The following DHRS13 variants were observed in gnomAD, a reference collection of about 807,000 sequenced individuals.
DHRS13 encodes the protein dehydrogenase/reductase 13.
DHRS13 carries 22 observed loss-of-function variants against 17.9 expected under a neutral mutation model. That is an observed-to-expected ratio of 1.23 (90% CI 0.88 to 1.75). The LOEUF is 1.75. DHRS13 is among the 40% of genes most tolerant of loss of function. The pLI is 0.00. For missense variants in DHRS13, 483 were observed against 519.9 expected (o/e 0.93, Z 0.69); for synonymous variants, 206 against 220.4 (o/e 0.93, Z 0.58).
chr17:28,901,004 T>C lies in DHRS13; in HGVS notation c.668A>G (p.Tyr223Cys), dbSNP rs1234644669. The C allele has an allele frequency of 1.9e-6, 3 of 1,599,512 alleles. No homozygotes were observed. The highest frequency in any genetic ancestry group is 1.3e-5 in the African/African-American group (1 of 74,836). ...NQLEATGVTC[Y>C]AAHPGPVNSE... ...CCAGACCTCACCTGGGTGGGCTGCA[T>C]AGCAGGTGACGCCAGTGGCCTCAAG... Residue 223 changes from tyrosine to cysteine, a missense_variant, in exon 4 of 5, where the codon TAT (tyrosine) becomes TGT (cysteine). Transcript: ENST00000378895. The surrounding 1 kb of genome is among the most constrained non-coding windows in gnomAD (Gnocchi z 4.3).
chr17:28,900,473 C>T (rs940050929), intron 4 of DHRS13, among the ~76,000 whole-genome samples: 2 of 152,310 alleles, frequency 1.3e-5, no homozygotes, highest in African/African-American at 4.8e-5. Flanking sequence ...CCATTTGCCC[C>T]TTGCTGTTTC....
rs2039790383 is a variant in DHRS13 at position 28,899,541 on chromosome 17, C to T, written c.683-649G>A. 6.6e-6 allele frequency: 1 copy of T among 152,290 alleles called. No homozygotes were observed. Among genetic ancestry groups the T allele is most frequent in the African/African-American group, 2.4e-5 (1 of 41,444 alleles). The allele number at this position is 152,290 out of a possible 1,614,324, so 9.4% of individuals were successfully genotyped here. On this transcript the variant is annotated intron_variant, in intron 4 of 4. Coordinates refer to ENST00000378895, the MANE Select transcript of DHRS13 (RefSeq NM_144683.4). The surrounding 1 kb of genome is among the most constrained non-coding windows in gnomAD (Gnocchi z 4.7). ...TGTTGCTCTGGATCCCCAATTATCT[C>T]ACTCAGAGTAAAAGCCAGAATGCCT... is the stretch of plus-strand genomic sequence containing the variant.
Position 28,902,765 on chromosome 17 carries a change from G to T in DHRS13, c.127+53C>A. The T allele has an allele frequency of 7.0e-7, 1 of 1,429,658 alleles. No individual in the cohort carries two copies. Among genetic ancestry groups the T allele is most frequent in the Non-Finnish European group, 9.1e-7 (1 of 1,098,276 alleles). The allele number at this position is 1,429,658 out of a possible 1,614,324, so 88.6% of individuals were successfully genotyped here. ...GGCGGGCCGCTGCTACCGCCGGCCC[G>T]GCCTCCTCTCCGCGCGCCCCGCCAG... On this transcript the variant is annotated intron_variant, in intron 1 of 4. Coordinates refer to ENST00000378895, the MANE Select transcript of DHRS13 (RefSeq NM_144683.4). This position sits in a 1 kb window ranked among gnomAD's most constrained non-coding sequence, Gnocchi z 4.0.
At position 28,898,539 on chromosome 17, in the gene DHRS13, CTG is replaced by C. The variant is rs766607499; in HGVS notation, c.1034_1035del (p.Thr345SerfsTer16). 4 of 1,611,694 alleles carry C rather than the reference CTG, an allele frequency of 2.5e-6. No homozygotes were observed. In the South Asian group the frequency reaches 3.3e-5, roughly 13 times the overall value. On this transcript the variant is annotated frameshift_variant, in exon 5 of 5. Transcript: ENST00000378895. LOFTEE classifies it low-confidence loss of function (END_TRUNC). ...SLSTPHPEEP[T>X]VSQPYPSPQS... ...TGAGGGCTGGGGTAAGGTTGAGAAA[CTG>C]TGGGCTCCTCAGGGTGGGGGGTGCT...
Position 28,901,493 on chromosome 17 carries a change from C to G in DHRS13, c.370G>C (p.Gly124Arg), listed in dbSNP as rs200355771. ...CCACGCAGGGCCTGCTGCCCCTCAC[C>G]GGCATTGTGGATGAGGATGTCCAAC... Reference protein sequence around the residue: ...PRLDILIHNAGISSCGRTREA... With the variant: ...PRLDILIHNARISSCGRTREA... Residue 124 changes from glycine to arginine, a missense_variant and splice_region_variant, in exon 3 of 5, where the codon GGT becomes CGT. Coordinates refer to ENST00000378895, the MANE Select transcript of DHRS13 (RefSeq NM_144683.4). The surrounding 1 kb of genome is among the most constrained non-coding windows in gnomAD (Gnocchi z 4.3). The G allele has an allele frequency of 1.9e-6, 3 of 1,613,812 alleles. No individual in the cohort carries two copies. The highest frequency in any genetic ancestry group is 1.7e-5 in the Admixed American group (1 of 60,014).
chr17:28,898,612 G>A lies in DHRS13; in HGVS notation c.963C>T (p.Pro321=), dbSNP rs373955077. 23 of 1,613,366 alleles carry A rather than the reference G, an allele frequency of 1.4e-5. No homozygotes were observed. The highest frequency in any genetic ancestry group is 1.9e-5 in the Non-Finnish European group (22 of 1,179,800). ...AGLGPGEDAE[P]DEDPQSEDSE... ...AGTCCTCAGACTGGGGGTCTTCATCGGGTTCAGCATCCTCCCCAGGCCCAA... is the reference window on the plus strand; with the variant it reads ...AGTCCTCAGACTGGGGGTCTTCATCAGGTTCAGCATCCTCCCCAGGCCCAA... Residue 321 remains proline, a synonymous_variant, in exon 5 of 5, where the codon CCC becomes CCT. Transcript: ENST00000378895.
In DHRS13 at chr17:28,898,392, A is replaced by G. The variant is rs748042398; in HGVS notation, c.*49T>C. Reference sequence around the variant, plus strand: ...CAGGGCATGGCCTCGCACACATCCGAGGTTTTCAAGGACCATGAAGTGCCA... The same window carrying G: ...CAGGGCATGGCCTCGCACACATCCGGGGTTTTCAAGGACCATGAAGTGCCA... On this transcript the variant is annotated 3_prime_UTR_variant, in exon 5 of 5. Coordinates refer to ENST00000378895, the MANE Select transcript of DHRS13 (RefSeq NM_144683.4). 14 of 1,531,814 alleles carry G rather than the reference A, an allele frequency of 9.1e-6. No homozygotes were observed. In the South Asian group the frequency reaches 1.7e-4, roughly 19 times the overall value. The allele number at this position is 1,531,814 out of a possible 1,614,324, so 94.9% of individuals were successfully genotyped here. A position where few individuals can be genotyped will look rare whatever the true frequency, so the allele number is the denominator to read the frequency against.
Position 28,898,682 on chromosome 17 carries a change from C to T in DHRS13, c.893G>A (p.Arg298Gln), listed in dbSNP as rs775606900. Residue 298 changes from arginine to glutamine, a missense_variant, in exon 5 of 5, where the codon CGG (arginine) becomes CAG (glutamine). Transcript: ENST00000378895. Reference sequence around the variant, plus strand: ...GGCCTCCCATAGCCGATGGGCTGCCCGGTCGTCTCGGGCAGCTGGAGGCAC... The same window carrying T: ...GGCCTCCCATAGCCGATGGGCTGCCTGGTCGTCTCGGGCAGCTGGAGGCAC... Reference protein sequence around the residue: ...EEVPPAARDDRAAHRLWEASK... With the variant: ...EEVPPAARDDQAAHRLWEASK... The T allele has an allele frequency of 1.5e-5, 25 of 1,613,496 alleles. No homozygotes were observed. The highest frequency in any genetic ancestry group is 1.6e-4 in the Middle Eastern group (1 of 6,062).
chr17:28,901,797 T>C lies in DHRS13; in HGVS notation c.247-181A>G. On this transcript the variant is annotated intron_variant, in intron 2 of 4. Coordinates refer to ENST00000378895, the MANE Select transcript of DHRS13 (RefSeq NM_144683.4). This position sits in a 1 kb window ranked among gnomAD's most constrained non-coding sequence, Gnocchi z 4.3. ...CTTTGCCTTTTACTAAAGTGTGACC[T>C]TGGGCAAGATACTTAATCTCTCTGG... 1.1e-6 allele frequency: 1 copy of C among 950,184 alleles called. No homozygotes were observed. The highest frequency in any genetic ancestry group is 1.8e-5 in the South Asian group (1 of 56,232). The allele number at this position is 950,184 out of a possible 1,614,324, so 58.9% of individuals were successfully genotyped here.
Position 28,898,236 on chromosome 17 carries a change from T to A in DHRS13, c.*205A>T, listed in dbSNP as rs1283328824. On this transcript the variant is annotated 3_prime_UTR_variant, in exon 5 of 5. Coordinates refer to ENST00000378895, the MANE Select transcript of DHRS13 (RefSeq NM_144683.4). ...TCTAGCATACCCCTATCTCTCCATCTGGGGTTACTGTCACTCTCAGGAAGA... is the reference window on the plus strand; with the variant it reads ...TCTAGCATACCCCTATCTCTCCATCAGGGGTTACTGTCACTCTCAGGAAGA... 1.7e-6 allele frequency: 1 copy of A among 595,024 alleles called. No individual in the cohort carries two copies. Among genetic ancestry groups the A allele is most frequent in the Non-Finnish European group, 2.9e-6 (1 of 346,540 alleles). The allele number at this position is 595,024 out of a possible 1,614,324, so 36.9% of individuals were successfully genotyped here.
Position 28,898,845 on chromosome 17 carries a change from GCA to G in DHRS13, c.728_729del (p.Leu243ProfsTer77). ...CAAGCCAATGGGCGCAAAAGTGGGC[GCA>G]GCCATCCAGGAACATGGCGCAGGAA... ...ELFLRHVPGW[L>X]RPLLRPLAWL... On this transcript the variant is annotated frameshift_variant, in exon 5 of 5. Transcript: ENST00000378895. LOFTEE classifies it high-confidence loss of function. The G allele has an allele frequency of 6.2e-7, 1 of 1,604,708 alleles. No homozygotes were observed.
rs2039790583 is a variant in DHRS13 at position 28,899,562 on chromosome 17, T to G, written c.683-670A>C. 2.0e-5 allele frequency: 3 copies of G among 152,302 alleles called. No homozygotes were observed. The highest frequency in any genetic ancestry group is 2.4e-5 in the African/African-American group (1 of 41,438). The allele number at this position is 152,302 out of a possible 1,614,324, so 9.4% of individuals were successfully genotyped here. On this transcript the variant is annotated intron_variant, in intron 4 of 4. Transcript: ENST00000378895. This position sits in a 1 kb window ranked among gnomAD's most constrained non-coding sequence, Gnocchi z 4.7. ...ATCTCACTCAGAGTAAAAGCCAGAATGCCTATAGTGAACCTCCCTCCAAAC... is the reference window on the plus strand; with the variant it reads ...ATCTCACTCAGAGTAAAAGCCAGAAGGCCTATAGTGAACCTCCCTCCAAAC...
chr17:28,901,325 C>A lies in DHRS13; in HGVS notation c.371-24G>T. 1 of 1,588,568 alleles carries A rather than the reference C, an allele frequency of 6.3e-7. No individual in the cohort carries two copies. The highest frequency in any genetic ancestry group is 8.6e-7 in the Non-Finnish European group (1 of 1,165,654). Reference sequence around the variant, plus strand: ...ACCTGGGGCAGAGGCTAAATGTGAGCGGCTGCTCCAGAAGGAGCTCTGCAG... The same window carrying A: ...ACCTGGGGCAGAGGCTAAATGTGAGAGGCTGCTCCAGAAGGAGCTCTGCAG... On this transcript the variant is annotated intron_variant, in intron 3 of 4. Coordinates refer to ENST00000378895, the MANE Select transcript of DHRS13 (RefSeq NM_144683.4). This position sits in a 1 kb window ranked among gnomAD's most constrained non-coding sequence, Gnocchi z 4.3.
Position 28,901,435 on chromosome 17 carries a change from G to A in DHRS13, c.370+58C>T, listed in dbSNP as rs1449395701. On this transcript the variant is annotated intron_variant, in intron 3 of 4. Coordinates refer to ENST00000378895, the MANE Select transcript of DHRS13 (RefSeq NM_144683.4). This position sits in a 1 kb window ranked among gnomAD's most constrained non-coding sequence, Gnocchi z 4.3. Reference sequence around the variant, plus strand: ...CCCCAGCAGGGCCCCCGCTGGAGGGGGCAGTTGCCCCTGGCCACCCGCCAC... The same window carrying A: ...CCCCAGCAGGGCCCCCGCTGGAGGGAGCAGTTGCCCCTGGCCACCCGCCAC... 9 of 1,610,152 alleles carry A rather than the reference G, an allele frequency of 5.6e-6. No homozygotes were observed. In the South Asian group the frequency reaches 9.9e-5, roughly 18 times the overall value.
At position 28,898,809 on chromosome 17, in the gene DHRS13, G is replaced by A. The variant is rs773690240; in HGVS notation, c.766C>T (p.Arg256Trp). 32 of 1,609,846 alleles carry A rather than the reference G, an allele frequency of 2.0e-5. No individual in the cohort carries two copies. The highest frequency in any genetic ancestry group is 1.6e-4 in the African/African-American group (12 of 74,830). The change falls in exon 5 of 5, where the codon CGG becomes TGG. Residue 256 changes from arginine (R) to tryptophan (W), a missense_variant. Transcript: ENST00000378895. Reference protein sequence around the residue: ...LLRPLAWLVLRAPRGGAQTPL... With the variant: ...LLRPLAWLVLWAPRGGAQTPL... ...GTCTGGGCACCCCCTCTTGGTGCCC[G>A]GAGCACCAGCCAAGCCAATGGGCGC...
chr17:28,900,175 T>C (rs940101582), intron 4 of DHRS13, among the ~76,000 whole-genome samples: 1 of 152,116 alleles, frequency 6.6e-6, no homozygotes, highest in Non-Finnish European at 1.5e-5. Context: ...CCTCCCAAAA[T>C]GCTGGGATTA....
At position 28,898,267 on chromosome 17, in the gene DHRS13, T is replaced by G. The variant is rs867683598; in HGVS notation, c.*174A>C. The G allele has an allele frequency of 5.8e-5, 37 of 641,808 alleles. No homozygotes were observed. In the Middle Eastern group the frequency reaches 1.2e-3, roughly 21 times the overall value. 39.8% of individuals were successfully genotyped at this position (641,808 alleles called of 1,614,324 possible). ...TACTGTCACTCTCAGGAAGAAATAA[T>G]CACCCATTATTCCTTCAACCAGGAA... On this transcript the variant is annotated 3_prime_UTR_variant, in exon 5 of 5. Coordinates refer to ENST00000378895, the MANE Select transcript of DHRS13 (RefSeq NM_144683.4).
chr17:28,901,074 T>C lies in DHRS13; in HGVS notation c.598A>G (p.Thr200Ala), dbSNP rs373066614. ...GCAAACAGTACATTAGCCAGCTTAG[T>C]GTCAGCATATGCCCGCAGCTCCTGC... Reference protein sequence around the residue: ...WRQELRAYADTKLANVLFARE... With the variant: ...WRQELRAYADAKLANVLFARE... The change falls in exon 4 of 5, where the codon ACT becomes GCT. Residue 200 changes from threonine (T) to alanine (A), a missense_variant. Physicochemically the swap from Thr to Ala is moderately conservative, Grantham distance 58. Coordinates refer to ENST00000378895, the MANE Select transcript of DHRS13 (RefSeq NM_144683.4). The surrounding 1 kb of genome is among the most constrained non-coding windows in gnomAD (Gnocchi z 4.3). 10 of 1,614,052 alleles carry C rather than the reference T, an allele frequency of 6.2e-6. No homozygotes were observed. The African/African-American group carries it at 9.3e-5, about 15-fold the overall frequency.
At position 28,901,169 on chromosome 17, in the gene DHRS13, AC is replaced by A. The variant is rs1210327831; in HGVS notation, c.502del (p.Val168Ter). 6.2e-7 allele frequency: 1 copy of A among 1,614,072 alleles called. No individual in the cohort carries two copies. The highest frequency in any genetic ancestry group is 1.3e-5 in the African/African-American group (1 of 74,930). ...KACAPSRVVV[V>X]ASAAHCRGRL... ...TCCCCGACAGTGGGCAGCTGAGGCT[AC>A]CACCACCACGCGGCTAGGGGCACAT... On this transcript the variant is annotated frameshift_variant, in exon 4 of 5. Coordinates refer to ENST00000378895, the MANE Select transcript of DHRS13 (RefSeq NM_144683.4). LOFTEE classifies it high-confidence loss of function. The surrounding 1 kb of genome is among the most constrained non-coding windows in gnomAD (Gnocchi z 4.3).
Sources: allele counts gnomAD v4.1 joint callset (sites outside exome capture counted in the v4.1 genomes callset), GRCh38; gene constraint gnomAD v4.1.1; non-coding constraint Gnocchi (gnomAD v3.1); transcripts MANE v1.5; gene names NCBI Gene and HGNC (gene_info 2026-07-23, HGNC 2026-07-21).